ANO2: variants seen among roughly 807,000 people sequenced by gnomAD.
The protein encoded by ANO2 is anoctamin-2.
A neutral mutation model predicts 124.2 loss-of-function variants in ANO2; 101 were observed. That is an observed-to-expected ratio of 0.81 (90% confidence interval 0.69 to 0.96). The LOEUF is 0.96. Among genes scored for constraint, ANO2 ranks in the 40% least tolerant of loss-of-function variants. ANO2 has a pLI of 0.00. For synonymous variants in ANO2, 486 were observed against 482.5 expected, an observed-to-expected ratio of 1.01 and a Z score of -0.09; for missense variants, 1,293 against 1,274.5, an observed-to-expected ratio of 1.01 and a Z score of -0.22.
chr12:5,756,919 G>A (rs547286603), intron 10 of ANO2, among the ~76,000 whole-genome samples: 1 of 152,372 alleles, frequency 6.6e-6, no homozygotes, highest in South Asian at 2.1e-4. Context: ...TGGGGACATG[G>A]GAAGCCAGCT....
intron 20 of ANO2, among the ~76,000 whole-genome samples, chr12:5,584,360 G>C (rs559300904): frequency 2.6e-5 from 4 of 152,166 alleles, no homozygotes; most frequent in African/African-American, 9.7e-5. Flanking sequence ...CTCACACCCA[G>C]CTTCCTTCTG....
chr12:5,792,391 T>A (rs1952724100), intron 10 of ANO2, among the ~76,000 whole-genome samples: 1 of 152,208 alleles, frequency 6.6e-6, no homozygotes, highest in Non-Finnish European at 1.5e-5. Flanking sequence ...CCTCTCCAAA[T>A]CCTTGATCAC....
At position 5,562,940 on chromosome 12, in the gene ANO2, T is replaced by C. The variant is rs1256975625; in HGVS notation, c.*359A>G. ...CTGACTGCATTTCTCTTACAGCTGGTCAAAGTCAGAAATGATGGTGAAGTA... is the reference window on the plus strand; with the variant it reads ...CTGACTGCATTTCTCTTACAGCTGGCCAAAGTCAGAAATGATGGTGAAGTA... On this transcript the variant is annotated 3_prime_UTR_variant, in exon 25 of 25. Coordinates refer to ENST00000682330, the MANE Select transcript of ANO2 (RefSeq NM_001364791.2). 2 of 224,754 alleles carry C rather than the reference T, an allele frequency of 8.9e-6. No homozygotes were observed. Among genetic ancestry groups the C allele is most frequent in the Non-Finnish European group, 1.8e-5 (2 of 112,540 alleles). The allele number at this position is 224,754 out of a possible 1,614,324, so 13.9% of individuals were successfully genotyped here.
In ANO2 at chr12:5,858,563, T is replaced by G. The variant is rs1279201236; in HGVS notation, c.535-4422A>C. 6 of 152,186 alleles carry G rather than the reference T, an allele frequency of 3.9e-5. No individual in the cohort carries two copies. In the East Asian group the frequency reaches 1.2e-3, roughly 29 times the overall value. The allele number at this position is 152,186 out of a possible 1,614,324, so 9.4% of individuals were successfully genotyped here. ...AAAAAAATTATTTGCCTCCAGAATT[T>G]TGCAGCTGTGGGAGCTTAGGCAAGT... On this transcript the variant is annotated intron_variant, in intron 3 of 24. Coordinates refer to ENST00000682330, the MANE Select transcript of ANO2 (RefSeq NM_001364791.2).
rs1953526495 is a variant in ANO2, at chr12:5,814,199, G to C, written c.893-6831C>G. Among the ~76,000 whole-genome samples the C allele has an allele frequency of 2.0e-5, 3 of 152,216 alleles. 1 individual carries two copies. The highest frequency in any genetic ancestry group is 4.1e-4 in the South Asian group (2 of 4,826). On this transcript the variant is annotated intron_variant, in intron 7 of 24. Transcript: ENST00000682330. ...CTTTCTGCAGGTCTAGGGATGATAA[G>C]AGCTCTACTATTGTTAATTCCAGGT...
chr12:5,852,679 G>T (rs1275055061), intron 4 of ANO2, among the ~76,000 whole-genome samples: 1 of 152,084 alleles, frequency 6.6e-6, no homozygotes, highest in African/African-American at 2.4e-5. Context: ...ATAGCACTGA[G>T]AGTCGGCATG....
intron 14 of ANO2, among the ~76,000 whole-genome samples, chr12:5,674,952 A>G (rs1439712383): frequency 1.8e-4 from 21 of 119,966 alleles, no homozygotes. Context: ...GCAGTACTGC[A>G]GCTTGAAAGC....
rs183431269 is a variant in ANO2, at chr12:5,672,304, A to G, written c.1546-24503T>C. Among the ~76,000 whole-genome samples the G allele has an allele frequency of 3.3e-5, 5 of 152,344 alleles. No individual in the cohort carries two copies. The East Asian group carries it at 7.7e-4, about 23-fold the overall frequency. ...GGAAAAAAAGTCAAAACCAAGCTCT[A>G]TAATTGTGGTCTGTTTACAAGGCAT... is the stretch of plus-strand genomic sequence containing the variant. On this transcript the variant is annotated intron_variant, in intron 14 of 24. Coordinates refer to ENST00000682330, the MANE Select transcript of ANO2 (RefSeq NM_001364791.2).
At position 5,658,958 on chromosome 12, in the gene ANO2, C is replaced by T. The variant is rs1320538201; in HGVS notation, c.1546-11157G>A. Among the ~76,000 whole-genome samples, 1 of 152,092 alleles carries T rather than the reference C, an allele frequency of 6.6e-6. No individual in the cohort carries two copies. The highest frequency in any genetic ancestry group is 1.5e-5 in the Non-Finnish European group (1 of 68,042). Reference sequence around the variant, plus strand: ...CTTTATCCACCAGGGACCCTGTGGCCCCAACTGATAAGGAAACCCAGTTAA... The same window carrying T: ...CTTTATCCACCAGGGACCCTGTGGCTCCAACTGATAAGGAAACCCAGTTAA... On this transcript the variant is annotated intron_variant, in intron 14 of 24. Transcript: ENST00000682330. This position sits in a 1 kb window ranked among gnomAD's most constrained non-coding sequence, Gnocchi z 4.3.
chr12:5,911,600 G>A (rs1941053218), intron 3 of ANO2, among the ~76,000 whole-genome samples: 1 of 152,162 alleles, frequency 6.6e-6, no homozygotes, highest in South Asian at 2.1e-4. Flanking sequence ...TGCGAATCAG[G>A]GCAGGCACCA....
At chr12:5,563,591 G>A (rs1941575443) in intron 24 of ANO2, 23 bp from the exon 25 acceptor site, 10 of 1,611,796 alleles carry the variant, frequency 6.2e-6, no homozygotes, top group Non-Finnish European at 8.5e-6. Flanking sequence ...AAGGAGAGAG[G>A]GGCTGAGTTG....
At chr12:5,712,415 A>G (rs530106021) in intron 14 of ANO2, among the ~76,000 whole-genome samples, 1 of 152,334 alleles carries the variant, frequency 6.6e-6, no homozygotes, top group South Asian at 2.1e-4. Context: ...GAAGAGACAG[A>G]TACAGGAGAG....
At chr12:5,575,484 C>T (rs1942343521) in intron 23 of ANO2, among the ~76,000 whole-genome samples, 1 of 152,124 alleles carries the variant, frequency 6.6e-6, no homozygotes, top group African/African-American at 2.4e-5. Context: ...TTGCAAACAT[C>T]ACAGAACGTG....
At chr12:5,582,893 C>T in intron 20 of ANO2, among the ~76,000 whole-genome samples, 1 of 152,188 alleles carries the variant, frequency 6.6e-6, no homozygotes. Context: ...AGACTCCCCT[C>T]CACCTCCATT....
chr12:5,768,444 G>T (rs11063856), intron 10 of ANO2, among the ~76,000 whole-genome samples: 17,256 of 152,266 alleles, frequency 0.11, 1,061 homozygotes, highest in Admixed American at 0.17. Context: ...GAAGAGAAGA[G>T]AGTCTATATC....
chr12:5,743,472 C>CGTGTGTGTGTGTGTGT (rs112084814), intron 12 of ANO2, among the ~76,000 whole-genome samples: 1 of 149,454 alleles, frequency 6.7e-6, no homozygotes, highest in African/African-American at 2.5e-5. Flanking sequence ...TGAGAATAGG[C>CGTGTGTGTGTGTGTGT]GTGTGTGTGT....
intron 16 of ANO2, among the ~76,000 whole-genome samples, chr12:5,631,428 C>A (rs1945713478): frequency 6.6e-6 from 1 of 152,242 alleles, no homozygotes. Context: ...TCTATCTCAT[C>A]ACACCTTCCT....
intron 14 of ANO2, among the ~76,000 whole-genome samples, chr12:5,724,610 T>C (rs1020403883): frequency 1.3e-5 from 2 of 152,248 alleles, no homozygotes; most frequent in African/African-American, 4.8e-5. Flanking sequence ...CAGAGGCGTC[T>C]GTCGTAAATG....
chr12:5,614,905 C>T (rs1317530188), intron 17 of ANO2, among the ~76,000 whole-genome samples: 2 of 152,302 alleles, frequency 1.3e-5, no homozygotes, highest in East Asian at 3.9e-4. Flanking sequence ...TCCCTCCTGC[C>T]TCATCCTCAA....
Sources: gnomAD v4.1 joint callset for allele counts (sites outside exome capture counted in the v4.1 genomes callset) on GRCh38, gnomAD v4.1.1 for gene constraint, Gnocchi (gnomAD v3.1) non-coding constraint, MANE v1.5 for transcripts, NCBI Gene and HGNC (gene_info 2026-07-23, HGNC 2026-07-21) for gene names.